The following PKIB variants were observed in gnomAD, a reference collection of about 807,000 sequenced individuals.
PKIB encodes the protein cAMP-dependent protein kinase inhibitor beta, also known as PKI-beta.
A neutral mutation model predicts 4.5 loss-of-function variants in PKIB; 2 were observed. The observed-to-expected ratio is 0.44, with a 90% CI of 0.18 to 1.39. The LOEUF is 1.39. PKIB is among the 40% of genes most tolerant of loss of function. PKIB has a pLI of 0.27. For synonymous variants in PKIB, 38 were observed against 36.0 expected (o/e 1.06, Z -0.20); for missense variants, 94 against 92.6 (o/e 1.02, Z -0.06).
At chr6:122,593,315 G>C (rs1359684909) in intron 3 of PKIB, among the ~76,000 whole-genome samples, 3 of 152,206 alleles carry the variant, frequency 2.0e-5, no homozygotes, top group Non-Finnish European at 2.9e-5. Flanking sequence ...AAGTTTATAT[G>C]CTTTTTATTT....
intron 2 of PKIB, among the ~76,000 whole-genome samples, chr6:122,582,370 C>A (rs1773728259): frequency 6.6e-6 from 1 of 151,976 alleles, no homozygotes; most frequent in Non-Finnish European, 1.5e-5. Flanking sequence ...TGTTTAACAA[C>A]CCATCCAGTT....
intron 2 of PKIB, among the ~76,000 whole-genome samples, chr6:122,490,077 C>G (rs1018930586): frequency 6.6e-6 from 1 of 152,172 alleles, no homozygotes; most frequent in African/African-American, 2.4e-5. Context: ...AGTTTGCAAA[C>G]TTATGAAAGC....
intron 2 of PKIB, among the ~76,000 whole-genome samples, chr6:122,542,514 G>C (rs971114915): frequency 6.6e-6 from 1 of 152,128 alleles, no homozygotes; most frequent in Admixed American, 6.5e-5. Context: ...ATAGAACTGC[G>C]GTGACTATAG....
At chr6:122,623,938 A>G (rs1775336129) in intron 1 of PKIB, among the ~76,000 whole-genome samples, 1 of 152,104 alleles carries the variant, frequency 6.6e-6, no homozygotes, top group African/African-American at 2.4e-5. Context: ...ATTAAACACA[A>G]TATGTGCCAG....
At chr6:122,585,650 T>C (rs1293090404) in intron 2 of PKIB, 1 of 152,116 alleles carries the variant, frequency 6.6e-6, no homozygotes, top group Non-Finnish European at 1.5e-5. Flanking sequence ...TGAAATTAAT[T>C]ATGTAAGTGA....
intron 1 of PKIB, among the ~76,000 whole-genome samples, chr6:122,472,810 TTATAA>T (rs990462715): frequency 3.3e-5 from 5 of 152,156 alleles, no homozygotes; most frequent in African/African-American, 1.2e-4. Context: ...AAGCAAAGTA[TTATAA>T]TAGAGCATCC....
chr6:122,686,463 AT>A (rs1327740322), intron 3 of PKIB, among the ~76,000 whole-genome samples: 1 of 150,960 alleles, frequency 6.6e-6, no homozygotes, highest in East Asian at 1.9e-4. Flanking sequence ...TTTGAGAAAT[AT>A]TTTTTTTCAA....
intron 3 of PKIB, among the ~76,000 whole-genome samples, chr6:122,676,154 TGG>T (rs1582801653): frequency 1.3e-5 from 2 of 151,364 alleles, no homozygotes; most frequent in East Asian, 3.9e-4. Flanking sequence ...TGGTCCTATC[TGG>T]GGTGATGGGA....
chr6:122,574,215 T>A (rs955181100), intron 2 of PKIB, among the ~76,000 whole-genome samples: 2 of 152,122 alleles, frequency 1.3e-5, no homozygotes, highest in South Asian at 4.1e-4. Flanking sequence ...GGAATATCCT[T>A]AACCAAGTAG....
intron 1 of PKIB, among the ~76,000 whole-genome samples, chr6:122,614,787 A>G (rs948732617): frequency 1.3e-5 from 2 of 152,142 alleles, no homozygotes; most frequent in Non-Finnish European, 2.9e-5. Context: ...TCTTAAAATC[A>G]GTGTGTGTGT....
chr6:122,530,473 C>A lies in PKIB; in HGVS notation c.-248+52534C>A, dbSNP rs1191765954. On this transcript the variant is annotated intron_variant, in intron 2 of 6. Transcript: ENST00000392491. ...TCTGGAGTTTGTTCCTTTGATTGTG[C>A]CATGTTTTTTCTTTGTATGCCTTGT... Among the ~76,000 whole-genome samples the A allele has an allele frequency of 2.6e-5, 4 of 152,042 alleles. No individual in the cohort carries two copies. The East Asian group carries it at 5.8e-4, about 22-fold the overall frequency.
At chr6:122,570,521 A>G (rs1198197399) in intron 2 of PKIB, among the ~76,000 whole-genome samples, 2 of 152,140 alleles carry the variant, frequency 1.3e-5, no homozygotes, top group Non-Finnish European at 2.9e-5. Context: ...AGCTTCAAAA[A>G]TCCTTGCCAT....
intron 2 of PKIB, among the ~76,000 whole-genome samples, chr6:122,578,418 G>A (rs1031746922): frequency 2.6e-5 from 4 of 152,020 alleles, no homozygotes; most frequent in Non-Finnish European, 5.9e-5. Context: ...TCAAAATGGA[G>A]CTCATCAATT....
At chr6:122,620,738 GT>G (rs1248277914) in intron 1 of PKIB, among the ~76,000 whole-genome samples, 1 of 152,150 alleles carries the variant, frequency 6.6e-6, no homozygotes, top group African/African-American at 2.4e-5. Context: ...TAATTAGTAT[GT>G]TGAGGGAGGC....
At chr6:122,521,264 T>C (rs771465736) in intron 2 of PKIB, among the ~76,000 whole-genome samples, 11 of 152,160 alleles carry the variant, frequency 7.2e-5, no homozygotes, top group Non-Finnish European at 1.6e-4. Context: ...GGGAAGTGAT[T>C]TGGAGCTTCT....
intron 2 of PKIB, among the ~76,000 whole-genome samples, chr6:122,536,096 T>C (rs1383892483): frequency 2.0e-5 from 3 of 152,110 alleles, no homozygotes; most frequent in Non-Finnish European, 4.4e-5. Flanking sequence ...TGTGCCACCA[T>C]GCCCAGCTAA....
chr6:122,619,641 A>T (rs1356008292), intron 1 of PKIB, among the ~76,000 whole-genome samples: 2 of 152,130 alleles, frequency 1.3e-5, no homozygotes, highest in Non-Finnish European at 2.9e-5. Flanking sequence ...AGAAGGAAAA[A>T]AATTTCTATA....
chr6:122,719,594 A>G (rs551948583), intron 4 of PKIB, among the ~76,000 whole-genome samples: 12 of 152,148 alleles, frequency 7.9e-5, no homozygotes, highest in Non-Finnish European at 1.3e-4. Context: ...TAAAATTACA[A>G]TTAGACAGGA....
chr6:122,705,999 A>C (rs1779041755), intron 3 of PKIB, among the ~76,000 whole-genome samples: 1 of 151,936 alleles, frequency 6.6e-6, no homozygotes, highest in East Asian at 1.9e-4. Context: ...GCTCCAACTC[A>C]TTTTTCCAAC....
Sources: gnomAD v4.1 joint callset for allele counts (sites outside exome capture counted in the v4.1 genomes callset) on GRCh38, gnomAD v4.1.1 for gene constraint, MANE v1.5 for transcripts, NCBI Gene and HGNC (gene_info 2026-07-23, HGNC 2026-07-21) for gene names.